The following GABRB3 variants were observed in gnomAD, a reference collection of about 807,000 sequenced individuals.
GABRB3 encodes the protein gamma-aminobutyric acid receptor subunit beta-3.
A neutral mutation model predicts 52.1 loss-of-function variants in GABRB3; 14 were observed. That is an observed-to-expected ratio of 0.27 (90% CI 0.18 to 0.42). The LOEUF (loss-of-function observed/expected upper bound fraction) is 0.42. Among genes scored for constraint, GABRB3 ranks in the 10% least tolerant of loss-of-function variants. The pLI is 1.00. For missense variants in GABRB3, 307 were observed against 609.1 expected, an observed-to-expected ratio of 0.50 and a Z score of 5.22; for synonymous variants, 260 against 232.3, an observed-to-expected ratio of 1.12 and a Z score of -1.08.
rs1488888810 is a variant in GABRB3, at chr15:26,734,939, CAGTAG to C, written c.240+37458_240+37462del. Among the ~76,000 whole-genome samples, 3 of 152,074 alleles carry C rather than the reference CAGTAG, an allele frequency of 2.0e-5. No individual in the cohort carries two copies. The South Asian group carries it at 6.2e-4, about 31-fold the overall frequency. The stretch of plus-strand genomic sequence containing the variant: ...AAAACAAAACAAAACAAAACCCTAT[CAGTAG>C]AGTAAACAGGCAACCCACAAAATGG... On this transcript the variant is annotated intron_variant, in intron 3 of 8. Coordinates refer to ENST00000311550, the MANE Select transcript of GABRB3 (RefSeq NM_000814.6).
intron 3 of GABRB3, among the ~76,000 whole-genome samples, chr15:26,685,572 T>TATC (rs1798771980): frequency 6.6e-6 from 1 of 152,146 alleles, no homozygotes; most frequent in Admixed American, 6.5e-5. Flanking sequence ...TAGTTTTAGG[T>TATC]ATCAAGCAGA....
At chr15:26,652,674 C>A (rs1887234220) in intron 3 of GABRB3, among the ~76,000 whole-genome samples, 1 of 152,068 alleles carries the variant, frequency 6.6e-6, no homozygotes, top group Non-Finnish European at 1.5e-5. Context: ...TAGATGAAAC[C>A]CTTAATCCTT....
chr15:26,737,999 T>C (rs1595559793), intron 3 of GABRB3, among the ~76,000 whole-genome samples: 1 of 152,216 alleles, frequency 6.6e-6, no homozygotes, highest in Non-Finnish European at 1.5e-5. Flanking sequence ...GGTTGATTGC[T>C]GGAAGAGAAA....
At chr15:26,658,248 A>T (rs1317664785) in intron 3 of GABRB3, among the ~76,000 whole-genome samples, 1 of 152,110 alleles carries the variant, frequency 6.6e-6, no homozygotes. Context: ...CCCCTTGCCC[A>T]CCAAACTATC....
chr15:26,645,521 A>T (rs1202510350), intron 3 of GABRB3, among the ~76,000 whole-genome samples: 1 of 152,132 alleles, frequency 6.6e-6, no homozygotes, highest in Non-Finnish European at 1.5e-5. Context: ...ATAGCTACTG[A>T]AGTCCTAAAG....
At chr15:26,752,824 C>G (rs1265527192) in intron 3 of GABRB3, among the ~76,000 whole-genome samples, 1 of 152,144 alleles carries the variant, frequency 6.6e-6, no homozygotes, top group Non-Finnish European at 1.5e-5. Flanking sequence ...AGAGCATCCT[C>G]CTTCCGAGGG....
At chr15:26,659,015 G>A (rs914368018) in intron 3 of GABRB3, among the ~76,000 whole-genome samples, 9 of 152,122 alleles carry the variant, frequency 5.9e-5, no homozygotes, top group Admixed American at 5.2e-4. Context: ...TTCCTATTCA[G>A]CCACATGAAT....
intron 3 of GABRB3, among the ~76,000 whole-genome samples, chr15:26,654,082 C>T (rs1233199936): frequency 1.3e-5 from 2 of 152,168 alleles, no homozygotes; most frequent in East Asian, 3.9e-4. Flanking sequence ...ACAGAAGATG[C>T]ACTATAAATA....
At chr15:26,703,574 T>G (rs961481999) in intron 3 of GABRB3, among the ~76,000 whole-genome samples, 1 of 152,132 alleles carries the variant, frequency 6.6e-6, no homozygotes, top group Non-Finnish European at 1.5e-5. Flanking sequence ...AAGTCCAAAA[T>G]CTCATCCAAA....
chr15:26,619,671 T>A (rs527627885), intron 4 of GABRB3, among the ~76,000 whole-genome samples: 96 of 151,560 alleles, frequency 6.3e-4, no homozygotes, highest in African/African-American at 2.3e-3. Context: ...AGTATAATAA[T>A]AATAAAAATA....
At chr15:26,695,966 G>C (rs17738278) in intron 3 of GABRB3, among the ~76,000 whole-genome samples, 5 of 152,204 alleles carry the variant, frequency 3.3e-5, no homozygotes, top group African/African-American at 1.2e-4. Flanking sequence ...TTTCTTCCAC[G>C]GTAGGTTTAA....
At chr15:26,578,113 T>C (rs945728471) in intron 6 of GABRB3, among the ~76,000 whole-genome samples, 2 of 152,174 alleles carry the variant, frequency 1.3e-5, no homozygotes, top group African/African-American at 2.4e-5. Flanking sequence ...GGGAATACTC[T>C]CTCAGGCTAG....
At chr15:26,586,422 A>ACACACACACACACACACG (rs1207009136) in intron 4 of GABRB3, among the ~76,000 whole-genome samples, 4 of 151,508 alleles carry the variant, frequency 2.6e-5, no homozygotes, top group Non-Finnish European at 5.9e-5. Flanking sequence ...ACACACACAC[A>ACACACACACACACACACG]CACGCATACA....
At chr15:26,766,933 A>T (rs1188220443) in intron 3 of GABRB3, among the ~76,000 whole-genome samples, 1 of 152,154 alleles carries the variant, frequency 6.6e-6, no homozygotes, top group African/African-American at 2.4e-5. Flanking sequence ...CTGAGGGGAA[A>T]GGCAAAAAGC....
At chr15:26,584,479 A>T (rs1050320186) in intron 4 of GABRB3, among the ~76,000 whole-genome samples, 2 of 152,086 alleles carry the variant, frequency 1.3e-5, no homozygotes, top group African/African-American at 2.4e-5. Context: ...TATTACAGAA[A>T]TTGTTTTACT....
chr15:26,726,320 T>C (rs947720613), intron 3 of GABRB3, among the ~76,000 whole-genome samples: 1 of 152,216 alleles, frequency 6.6e-6, no homozygotes, highest in Non-Finnish European at 1.5e-5. Context: ...TTAGTCTAGC[T>C]TCTTCAAATG....
intron 3 of GABRB3, among the ~76,000 whole-genome samples, chr15:26,640,195 T>G (rs1893162623): frequency 6.6e-6 from 1 of 152,060 alleles, no homozygotes; most frequent in African/African-American, 2.4e-5. Flanking sequence ...ATGCAAACTT[T>G]CCAGTAGCAT....
chr15:26,601,190 G>A (rs939023441), intron 4 of GABRB3, among the ~76,000 whole-genome samples: 2 of 152,120 alleles, frequency 1.3e-5, no homozygotes, highest in Non-Finnish European at 2.9e-5. Context: ...TTGGGAGGCC[G>A]AGGCGGGCAG....
At chr15:26,661,719 G>T (rs149837853) in intron 3 of GABRB3, among the ~76,000 whole-genome samples, 1 of 152,244 alleles carries the variant, frequency 6.6e-6, no homozygotes, top group East Asian at 1.9e-4. Context: ...AATGAAGTGA[G>T]GGGACACCCA....
Sources: gnomAD v4.1 joint callset for allele counts (sites outside exome capture counted in the v4.1 genomes callset) on GRCh38, gnomAD v4.1.1 for gene constraint, MANE v1.5 for transcripts, NCBI Gene and HGNC (gene_info 2026-07-23, HGNC 2026-07-21) for gene names.